The following TFCP2 variants were observed in gnomAD, a reference collection of about 807,000 sequenced individuals.
TFCP2 encodes alpha-globin transcription factor CP2.
Under a neutral mutation model 73.4 loss-of-function variants are expected in TFCP2, and 33 were observed. The ratio of observed to expected loss-of-function variants is 0.45; its 90% CI spans 0.34 to 0.60. The LOEUF (loss-of-function observed/expected upper bound fraction) is 0.60, where lower values mean the gene tolerates loss of function less well. Among genes scored for constraint, TFCP2 ranks in the 20% least tolerant of loss-of-function variants. The pLI, the probability that TFCP2 is intolerant of heterozygous loss-of-function variation, is 0.01. For missense variants in TFCP2, 352 were observed against 604.0 expected (o/e 0.58, Z 4.37); for synonymous variants, 193 against 211.6 (o/e 0.91, Z 0.76).
chr12:51,162,106 T>C (rs893714583), intron 1 of TFCP2, among the ~76,000 whole-genome samples: 8 of 151,668 alleles, frequency 5.3e-5, no homozygotes, highest in Non-Finnish European at 8.8e-5. Flanking sequence ...GAAGATAGAA[T>C]TGAAATTACT....
intron 1 of TFCP2, among the ~76,000 whole-genome samples, chr12:51,155,403 G>T (rs1414018254): frequency 6.6e-6 from 1 of 152,090 alleles, no homozygotes; most frequent in African/African-American, 2.4e-5. Context: ...TATTGGTTTT[G>T]TCTCTCTGGA....
At chr12:51,149,169 G>T (rs1227874569) in intron 1 of TFCP2, among the ~76,000 whole-genome samples, 1 of 152,038 alleles carries the variant, frequency 6.6e-6, no homozygotes, top group Non-Finnish European at 1.5e-5. Flanking sequence ...AGTAACTCAG[G>T]AATGGAAAAC....
chr12:51,163,661 C>A (rs1043741357), intron 1 of TFCP2, among the ~76,000 whole-genome samples: 1 of 151,786 alleles, frequency 6.6e-6, no homozygotes, highest in Non-Finnish European at 1.5e-5. Context: ...GTGGCTCATG[C>A]CTTTAATCCC....
intron 9 of TFCP2, 39 bp from the exon 10 acceptor site, chr12:51,103,802 T>C (rs80329082): frequency 0.013 from 19,906 of 1,531,260 alleles, 176 homozygotes; most frequent in Middle Eastern, 0.025. Context: ...ACCAAATAGA[T>C]TTGTCTGTTA....
At chr12:51,137,690 T>C (rs1242156941) in intron 1 of TFCP2, among the ~76,000 whole-genome samples, 2 of 152,176 alleles carry the variant, frequency 1.3e-5, no homozygotes, top group African/African-American at 4.8e-5. Context: ...CTCGCAGCAA[T>C]ATTCATAGGC....
chr12:51,151,459 CAG>C (rs771765101), intron 1 of TFCP2, among the ~76,000 whole-genome samples: 25 of 152,248 alleles, frequency 1.6e-4, no homozygotes, highest in Non-Finnish European at 2.9e-4. Context: ...GTTGTTGAGA[CAG>C]AGTCTCTCCC....
intron 1 of TFCP2, among the ~76,000 whole-genome samples, chr12:51,157,679 T>A (rs1222262219): frequency 6.2e-5 from 3 of 48,272 alleles, no homozygotes; most frequent in African/African-American, 5.3e-5. Context: ...GTTTTTTCTT[T>A]TCTTTTCTTT....
intron 1 of TFCP2, among the ~76,000 whole-genome samples, chr12:51,151,868 T>A (rs568194868): frequency 1.4e-4 from 21 of 152,206 alleles, no homozygotes; most frequent in Non-Finnish European, 2.5e-4. Context: ...TAAGAATCTA[T>A]GAGTCTACAT....
rs1053876128 is a variant in TFCP2, at chr12:51,127,537, G to A, written c.123-8765C>T. 4.6e-5 allele frequency among the ~76,000 whole-genome samples: 7 copies of A among 152,294 alleles called. No homozygotes were observed. In the South Asian group the frequency reaches 1.4e-3, roughly 32 times the overall value. ...CTGAAGCTGAAGCCCAGAATGTGCT[G>A]AGACTTGCAACAAAGGTAAGGAAGG... On this transcript the variant is annotated intron_variant, in intron 1 of 14. Coordinates refer to ENST00000257915, the MANE Select transcript of TFCP2 (RefSeq NM_005653.5).
chr12:51,141,673 G>T (rs1941194238), intron 1 of TFCP2, among the ~76,000 whole-genome samples: 1 of 151,782 alleles, frequency 6.6e-6, no homozygotes, highest in South Asian at 2.1e-4. Context: ...GCCGATGTGG[G>T]CAGATCACTT....
chr12:51,135,413 T>C (rs1014545812), intron 1 of TFCP2, among the ~76,000 whole-genome samples: 1 of 141,906 alleles, frequency 7.0e-6, no homozygotes, highest in Non-Finnish European at 1.5e-5. Flanking sequence ...GGTGACAGAG[T>C]GAGACTGTCA....
Position 51,094,862 on chromosome 12 carries a change from T to C in TFCP2, c.*379A>G, listed in dbSNP as rs1054364171. On this transcript the variant is annotated 3_prime_UTR_variant, in exon 15 of 15. Coordinates refer to ENST00000257915, the MANE Select transcript of TFCP2 (RefSeq NM_005653.5). ...TTATGAATATAGATACCCATTTTTATATAAGAAAAAAATTACAGGGCTCCA... is the reference window on the plus strand; with the variant it reads ...TTATGAATATAGATACCCATTTTTACATAAGAAAAAAATTACAGGGCTCCA... The C allele has an allele frequency of 5.1e-6, 1 of 197,518 alleles. No individual in the cohort carries two copies. The highest frequency in any genetic ancestry group is 1.0e-5 in the Non-Finnish European group (1 of 96,000). The allele number at this position is 197,518 out of a possible 1,614,324, so 12.2% of individuals were successfully genotyped here.
At chr12:51,169,205 A>G (rs1321113551) in intron 1 of TFCP2, among the ~76,000 whole-genome samples, 1 of 152,138 alleles carries the variant, frequency 6.6e-6, no homozygotes, top group African/African-American at 2.4e-5. Context: ...TTAAATGTGT[A>G]TAAGTCAAGA....
At chr12:51,167,872 G>A (rs1941787092) in intron 1 of TFCP2, among the ~76,000 whole-genome samples, 1 of 151,836 alleles carries the variant, frequency 6.6e-6, no homozygotes, top group African/African-American at 2.4e-5. Flanking sequence ...ATCAGCCTGA[G>A]CAACACAGCA....
At position 51,135,224 on chromosome 12, in the gene TFCP2, C is replaced by A. The variant is rs191470454; in HGVS notation, c.123-16452G>T. 5.3e-5 allele frequency among the ~76,000 whole-genome samples: 8 copies of A among 151,788 alleles called. No homozygotes were observed. The East Asian group carries it at 1.6e-3, about 30-fold the overall frequency. On this transcript the variant is annotated intron_variant, in intron 1 of 14. Coordinates refer to ENST00000257915, the MANE Select transcript of TFCP2 (RefSeq NM_005653.5). ...GGCGGATCACTTGAGGCCAGGAGTT[C>A]GAGACCAGCCTGACCAACGTAGTGA...
chr12:51,141,820 C>T (rs769434005), intron 1 of TFCP2, among the ~76,000 whole-genome samples: 1 of 149,128 alleles, frequency 6.7e-6, no homozygotes, highest in African/African-American at 2.5e-5. Context: ...GTACAAGCAT[C>T]GTTTGAACCT....
intron 1 of TFCP2, among the ~76,000 whole-genome samples, chr12:51,164,001 T>A (rs1459182334): frequency 6.7e-6 from 1 of 150,374 alleles, no homozygotes; most frequent in Non-Finnish European, 1.5e-5. Flanking sequence ...GGCCAGGAGT[T>A]CAAGGCCTGG....
intron 1 of TFCP2, among the ~76,000 whole-genome samples, chr12:51,154,584 C>T (rs967651237): frequency 6.6e-6 from 1 of 152,260 alleles, no homozygotes; most frequent in Admixed American, 6.5e-5. Context: ...ATCTCAGCTA[C>T]TCAGGAGGCT....
Position 51,172,741 on chromosome 12 carries a change from G to T in TFCP2, c.-319C>A. 1 of 221,722 alleles carries T rather than the reference G, an allele frequency of 4.5e-6. No individual in the cohort carries two copies. The highest frequency in any genetic ancestry group is 9.2e-6 in the Non-Finnish European group (1 of 109,026). The allele number at this position is 221,722 out of a possible 1,614,324, so 13.7% of individuals were successfully genotyped here. ...TCCCGCACTCCCACTCCTCTTGAGA[G>T]TTCGTAGTGGTGGCTTGCTGCTTCC... On this transcript the variant is annotated 5_prime_UTR_variant, in exon 1 of 15. Coordinates refer to ENST00000257915, the MANE Select transcript of TFCP2 (RefSeq NM_005653.5).
Sources: allele counts gnomAD v4.1 joint callset (sites outside exome capture counted in the v4.1 genomes callset), GRCh38; gene constraint gnomAD v4.1.1; transcripts MANE v1.5; gene names NCBI Gene and HGNC (gene_info 2026-07-23, HGNC 2026-07-21).